LRRC49: variants seen among roughly 807,000 people sequenced by gnomAD.
LRRC49 encodes leucine rich repeat containing 49.
A neutral mutation model predicts 83.3 loss-of-function variants in LRRC49; 50 were observed. That is an observed-to-expected ratio of 0.60 (90% confidence interval 0.48 to 0.76). LRRC49 has a LOEUF of 0.76. Ranked by LOEUF, LRRC49 falls within the 30% of genes least tolerant of loss-of-function variation. The pLI, the probability that LRRC49 is intolerant of heterozygous loss-of-function variation, is 0.00. For missense variants in LRRC49, 704 were observed against 809.1 expected, an observed-to-expected ratio of 0.87 and a Z score of 1.58; for synonymous variants, 286 against 283.3, an observed-to-expected ratio of 1.01 and a Z score of -0.10.
At chr15:70,909,875 C>CACAAA (rs761516885) in intron 5 of LRRC49, among the ~76,000 whole-genome samples, 2 of 151,366 alleles carry the variant, frequency 1.3e-5, no homozygotes, top group Non-Finnish European at 2.9e-5. Context: ...CACACACACA[C>CACAAA]ACAAAACAAA....
intron 7 of LRRC49, among the ~76,000 whole-genome samples, chr15:70,934,671 A>G (rs527697300): frequency 6.6e-6 from 1 of 152,298 alleles, no homozygotes; most frequent in South Asian, 2.1e-4. Flanking sequence ...TTATTGAAAA[A>G]AGTTATGTCT....
chr15:71,014,169 T>A (rs1420060449), intron 14 of LRRC49, among the ~76,000 whole-genome samples: 1 of 152,146 alleles, frequency 6.6e-6, no homozygotes, highest in African/African-American at 2.4e-5. Context: ...GAAACAATGA[T>A]GTAGAAAGAA....
chr15:70,864,722 G>A (rs1161446489), intron 1 of LRRC49, among the ~76,000 whole-genome samples: 2 of 152,098 alleles, frequency 1.3e-5, no homozygotes, highest in African/African-American at 2.4e-5. Flanking sequence ...TTAGTGTACG[G>A]GACATTCAAT....
intron 8 of LRRC49, among the ~76,000 whole-genome samples, chr15:70,949,484 T>C (rs2036137066): frequency 6.6e-6 from 1 of 152,192 alleles, no homozygotes; most frequent in African/African-American, 2.4e-5. Context: ...TTGTTAATTA[T>C]AATAAGTGAC....
At chr15:71,024,592 C>A (rs962884310) in intron 14 of LRRC49, among the ~76,000 whole-genome samples, 10 of 151,964 alleles carry the variant, frequency 6.6e-5, no homozygotes, top group Non-Finnish European at 1.0e-4. Flanking sequence ...CCATAAGAAC[C>A]CCATCCAAAG....
chr15:71,005,678 T>C (rs1185659619), intron 11 of LRRC49, among the ~76,000 whole-genome samples: 1 of 152,226 alleles, frequency 6.6e-6, no homozygotes, highest in African/African-American at 2.4e-5. Flanking sequence ...TGATTGTTCT[T>C]ATCAATACAG....
At chr15:70,922,189 A>G (rs2035031887) in intron 7 of LRRC49, among the ~76,000 whole-genome samples, 1 of 152,186 alleles carries the variant, frequency 6.6e-6, no homozygotes, top group Admixed American at 6.5e-5. Context: ...TATTTCCAAA[A>G]GAAAGGAAGT....
At chr15:70,998,780 T>G (rs552483433) in intron 11 of LRRC49, among the ~76,000 whole-genome samples, 1 of 152,252 alleles carries the variant, frequency 6.6e-6, no homozygotes, top group African/African-American at 2.4e-5. Context: ...TGCTTTTTTT[T>G]TTCTCTCATG....
At chr15:70,857,946 T>C (rs1192390665) in intron 1 of LRRC49, among the ~76,000 whole-genome samples, 1 of 152,208 alleles carries the variant, frequency 6.6e-6, no homozygotes, top group Non-Finnish European at 1.5e-5. Context: ...CTTAATTGAG[T>C]TGGGCTCACA....
intron 15 of LRRC49, among the ~76,000 whole-genome samples, chr15:71,046,331 A>C (rs2039854787): frequency 6.6e-6 from 1 of 152,068 alleles, no homozygotes; most frequent in African/African-American, 2.4e-5. Context: ...AGTGTATGAG[A>C]GTTCCTTTTT....
chr15:71,000,342 T>C (rs2038214190), intron 11 of LRRC49, among the ~76,000 whole-genome samples: 1 of 152,230 alleles, frequency 6.6e-6, no homozygotes, highest in Non-Finnish European at 1.5e-5. Context: ...CTATGAGTTA[T>C]ACTTTTAAAT....
At position 70,862,846 on chromosome 15, in the gene LRRC49, G is replaced by C. The variant is rs76227047; in HGVS notation, c.-299+9377G>C. Among the ~76,000 whole-genome samples the C allele has an allele frequency of 7.2e-5, 11 of 152,280 alleles. No individual in the cohort carries two copies. In the East Asian group the frequency reaches 2.1e-3, roughly 29 times the overall value. ...AATTCAACCCCAGCATCTTCCTAGA[G>C]TTTACTGAGGGACTGGGTGACTCAA... On this transcript the variant is annotated intron_variant, in intron 1 of 16. Coordinates refer to the LRRC49 transcript ENST00000544974.
intron 1 of LRRC49, among the ~76,000 whole-genome samples, chr15:70,866,347 A>C (rs1595968046): frequency 6.6e-6 from 1 of 151,890 alleles, no homozygotes; most frequent in Admixed American, 6.6e-5. Flanking sequence ...GGGTTTCACC[A>C]TGTTGGCCAG....
chr15:70,970,310 G>C (rs772056971), intron 9 of LRRC49, among the ~76,000 whole-genome samples: 1 of 152,172 alleles, frequency 6.6e-6, no homozygotes, highest in Non-Finnish European at 1.5e-5. Context: ...AACCAGCCTT[G>C]CATCCCAGGG....
intron 7 of LRRC49, 81 bp from the exon 8 acceptor site, chr15:70,936,680 T>C (rs924487409): frequency 2.4e-6 from 2 of 841,034 alleles, no homozygotes; most frequent in African/African-American, 3.4e-5. Context: ...AATGATTATA[T>C]ATTTCAATAG....
Position 70,911,541 on chromosome 15 carries a change from A to T in LRRC49, c.510A>T (p.Lys170Asn). 6.3e-7 allele frequency: 1 copy of T among 1,575,610 alleles called. No individual in the cohort carries two copies. The highest frequency in any genetic ancestry group is 2.3e-5 in the East Asian group (1 of 44,084). The change falls in exon 6 of 16, where the codon AAA becomes AAT. Residue 170 changes from lysine to asparagine, a missense_variant. Coordinates refer to ENST00000260382, the MANE Select transcript of LRRC49 (RefSeq NM_017691.5). The stretch of plus-strand genomic sequence containing the variant: ...TTATTCTGGTTTTCAGAATCAAGAA[A>T]ATCTCAAATCTGGAGAATCTAAAAA... Reference protein sequence around the residue: ...VLLLGKNRIKKISNLENLKSL... With the variant: ...VLLLGKNRIKNISNLENLKSL...
At position 70,882,833 on chromosome 15, in the gene LRRC49, T is replaced by C. The variant is rs781663155; in HGVS notation, c.18+9610T>C. ...TGCACTGGGCCTTCTTCACAGTGAG[T>C]AGGTACTGAAGTGACAGTATTAGAT... is the stretch of plus-strand genomic sequence containing the variant. On this transcript the variant is annotated intron_variant, in intron 2 of 16. Transcript: ENST00000544974. 3.1e-6 allele frequency: 5 copies of C among 1,614,070 alleles called. No homozygotes were observed. The South Asian group carries it at 5.5e-5, about 18-fold the overall frequency.
At chr15:71,035,353 A>AT (rs573890746) in intron 14 of LRRC49, among the ~76,000 whole-genome samples, 11 of 151,382 alleles carry the variant, frequency 7.3e-5, no homozygotes, top group African/African-American at 2.4e-4. Flanking sequence ...TTAAAGATTT[A>AT]TTTTTTTTTA....
At chr15:70,935,585 C>T (rs766038410) in intron 7 of LRRC49, among the ~76,000 whole-genome samples, 2 of 151,890 alleles carry the variant, frequency 1.3e-5, no homozygotes, top group Non-Finnish European at 2.9e-5. Context: ...GGAAGAAAGA[C>T]GATGATTTAT....
Sources: allele counts gnomAD v4.1 joint callset (sites outside exome capture counted in the v4.1 genomes callset), GRCh38; gene constraint gnomAD v4.1.1; transcripts MANE v1.5; gene names NCBI Gene and HGNC (gene_info 2026-07-23, HGNC 2026-07-21).